RUNX1: variants seen among roughly 807,000 people sequenced by gnomAD.
RUNX1 encodes the protein RUNX family transcription factor 1.
RUNX1 carries 19 observed loss-of-function variants against 42.8 expected under a neutral mutation model. The ratio of observed to expected loss-of-function variants is 0.44; its 90% CI spans 0.31 to 0.65. The LOEUF is 0.65. Ranked by LOEUF, RUNX1 falls within the 30% of genes least tolerant of loss-of-function variation. The pLI is 0.07. For missense variants in RUNX1, 528 were observed against 672.0 expected (o/e 0.79, Z 2.37); for synonymous variants, 271 against 289.4 (o/e 0.94, Z 0.64).
At chr21:34,871,972 C>T (rs1012911637) in intron 5 of RUNX1, among the ~76,000 whole-genome samples, 2 of 151,864 alleles carry the variant, frequency 1.3e-5, no homozygotes, top group Non-Finnish European at 2.9e-5. Flanking sequence ...GCCTTCAGAG[C>T]AGCTGGGATT....
intron 2 of RUNX1, among the ~76,000 whole-genome samples, chr21:34,897,484 G>A (rs933573094): frequency 2.6e-5 from 4 of 152,150 alleles, no homozygotes; most frequent in African/African-American, 7.2e-5. Flanking sequence ...TTCTGCCTCA[G>A]GTGAAATTGC....
intron 5 of RUNX1, among the ~76,000 whole-genome samples, chr21:34,871,065 G>A (rs1055324259): frequency 4.6e-5 from 7 of 152,194 alleles, no homozygotes; most frequent in Admixed American, 3.3e-4. Context: ...GAGCTTTCTA[G>A]TTAAAGGCTG....
chr21:34,860,498 T>C (rs1025551357), intron 5 of RUNX1, among the ~76,000 whole-genome samples: 2 of 151,734 alleles, frequency 1.3e-5, no homozygotes, highest in Non-Finnish European at 2.9e-5. Flanking sequence ...AACAGTTATC[T>C]GGCACACGGT....
At chr21:34,930,325 G>A (rs566105328) in intron 2 of RUNX1, among the ~76,000 whole-genome samples, 137 of 144,562 alleles carry the variant, frequency 9.5e-4, no homozygotes, top group African/African-American at 3.2e-3. Context: ...ACTAACATTA[G>A]CCATTGAATA....
chr21:34,820,946 C>T (rs2056899327), intron 7 of RUNX1, among the ~76,000 whole-genome samples: 1 of 152,180 alleles, frequency 6.6e-6, no homozygotes, highest in African/African-American at 2.4e-5. Context: ...CGGAAAATCA[C>T]TGAAACTCCC....
At chr21:34,913,525 C>T (rs182752020) in intron 2 of RUNX1, among the ~76,000 whole-genome samples, 5 of 152,306 alleles carry the variant, frequency 3.3e-5, no homozygotes, top group South Asian at 2.1e-4. Context: ...GGACACCACA[C>T]GTCTTAAGCC....
chr21:34,872,902 T>C (rs188530048), intron 5 of RUNX1, among the ~76,000 whole-genome samples: 2,786 of 152,236 alleles, frequency 0.018, 67 homozygotes, highest in African/African-American at 0.064. Context: ...TGGGAAACAC[T>C]GAGCAAGATT....
At chr21:35,025,123 G>C (rs1159617086) in intron 2 of RUNX1, among the ~76,000 whole-genome samples, 5 of 152,200 alleles carry the variant, frequency 3.3e-5, no homozygotes, top group African/African-American at 4.8e-5. Flanking sequence ...GGATGACTTT[G>C]AAGGACACTA....
chr21:35,028,052 C>T (rs1601688583), intron 2 of RUNX1, among the ~76,000 whole-genome samples: 1 of 152,310 alleles, frequency 6.6e-6, no homozygotes, highest in African/African-American at 2.4e-5. Flanking sequence ...AGAGGTCCCT[C>T]CAGAGGCAGT....
chr21:34,835,874 G>C (rs1306854843), intron 6 of RUNX1, among the ~76,000 whole-genome samples: 2 of 152,206 alleles, frequency 1.3e-5, no homozygotes, highest in Admixed American at 1.3e-4. Flanking sequence ...CCTGGGGTAA[G>C]AGCAGACCAC....
chr21:34,885,465 T>C (rs1177272527), intron 4 of RUNX1, among the ~76,000 whole-genome samples: 1 of 152,164 alleles, frequency 6.6e-6, no homozygotes, highest in Non-Finnish European at 1.5e-5. Flanking sequence ...TTCCTTCTCC[T>C]CATTTCCACC....
At chr21:35,024,149 T>C (rs2059219341) in intron 2 of RUNX1, among the ~76,000 whole-genome samples, 1 of 151,986 alleles carries the variant, frequency 6.6e-6, no homozygotes, top group Non-Finnish European at 1.5e-5. Flanking sequence ...TCAGCAGGAG[T>C]GTCTGGGCAA....
chr21:34,931,453 T>C (rs2058446248), intron 2 of RUNX1, among the ~76,000 whole-genome samples: 1 of 146,104 alleles, frequency 6.8e-6, no homozygotes, highest in African/African-American at 2.6e-5. Flanking sequence ...ATATATTATA[T>C]ATAATGTATA....
At chr21:34,920,454 C>T (rs1420186182) in intron 2 of RUNX1, among the ~76,000 whole-genome samples, 2 of 152,168 alleles carry the variant, frequency 1.3e-5, no homozygotes, top group Non-Finnish European at 2.9e-5. Context: ...TTACCAGTTT[C>T]AGACCAAATT....
At chr21:34,806,070 G>A (rs2056675177) in intron 7 of RUNX1, among the ~76,000 whole-genome samples, 1 of 146,604 alleles carries the variant, frequency 6.8e-6, no homozygotes, top group Admixed American at 6.7e-5. Flanking sequence ...AAAGAGGTGT[G>A]GGGGGAAGAA....
chr21:34,957,138 T>C (rs2058650308), intron 2 of RUNX1, among the ~76,000 whole-genome samples: 1 of 152,160 alleles, frequency 6.6e-6, no homozygotes, highest in South Asian at 2.1e-4. Context: ...GGCCAGGCTG[T>C]CTCCTCTCTG....
intron 8 of RUNX1, among the ~76,000 whole-genome samples, chr21:34,796,809 GAAAA>G (rs964569302): frequency 6.7e-6 from 1 of 148,586 alleles, no homozygotes; most frequent in African/African-American, 2.5e-5. Context: ...TTTTGAAAAA[GAAAA>G]AAAAAAGTAA....
intron 6 of RUNX1, among the ~76,000 whole-genome samples, chr21:34,844,990 G>C (rs764346390): frequency 2.0e-5 from 3 of 152,216 alleles, no homozygotes; most frequent in African/African-American, 7.2e-5. Context: ...CACAAATAAG[G>C]CTTCCGGTTG....
chr21:34,992,834 C>T (rs930915778), intron 2 of RUNX1, among the ~76,000 whole-genome samples: 7 of 152,206 alleles, frequency 4.6e-5, no homozygotes, highest in Admixed American at 4.6e-4. Flanking sequence ...CCTGGCAGGG[C>T]TTTGCAATGC....
Sources: allele counts gnomAD v4.1 joint callset (sites outside exome capture counted in the v4.1 genomes callset), GRCh38; gene constraint gnomAD v4.1.1; transcripts MANE v1.5; gene names NCBI Gene and HGNC (gene_info 2026-07-23, HGNC 2026-07-21).